LRRTM4: variants seen among roughly 807,000 people sequenced by gnomAD.
The protein encoded by LRRTM4 is leucine-rich repeat transmembrane neuronal protein 4.
In LRRTM4, 25 loss-of-function variants were observed where a neutral mutation model predicts 47.6. That is an observed-to-expected ratio of 0.53 (90% CI 0.38 to 0.73). The LOEUF is 0.73. Ranked by LOEUF, LRRTM4 falls within the 30% of genes least tolerant of loss-of-function variation. The probability of loss-of-function intolerance (pLI) is 0.00; values close to 1 mark genes in which losing one functional copy is unlikely to be tolerated. For missense variants in LRRTM4, 638 were observed against 713.4 expected, an observed-to-expected ratio of 0.89 and a Z score of 1.20; for synonymous variants, 311 against 269.5, an observed-to-expected ratio of 1.15 and a Z score of -1.51.
intron 3 of LRRTM4, among the ~76,000 whole-genome samples, chr2:77,395,755 A>T (rs1377389689): frequency 6.6e-6 from 1 of 151,854 alleles, no homozygotes; most frequent in East Asian, 1.9e-4. Flanking sequence ...CATTTTTGAA[A>T]TATCTATGCT....
intron 3 of LRRTM4, among the ~76,000 whole-genome samples, chr2:77,058,419 T>C (rs920405987): frequency 6.6e-6 from 1 of 152,164 alleles, no homozygotes; most frequent in African/African-American, 2.4e-5. Flanking sequence ...AGCTGTTACA[T>C]AGTCAATATA....
At chr2:77,220,514 C>G (rs998197930) in intron 3 of LRRTM4, among the ~76,000 whole-genome samples, 4 of 152,068 alleles carry the variant, frequency 2.6e-5, no homozygotes, top group African/African-American at 9.7e-5. Context: ...CCTTAAAGGA[C>G]CTGTTGGAGC....
At chr2:77,502,651 A>C (rs1465439779) in intron 3 of LRRTM4, among the ~76,000 whole-genome samples, 1 of 151,658 alleles carries the variant, frequency 6.6e-6, no homozygotes, top group African/African-American at 2.4e-5. Context: ...AGTCCAACAA[A>C]AAAAGTCATG....
chr2:77,410,803 T>C (rs1239609608), intron 3 of LRRTM4, among the ~76,000 whole-genome samples: 1 of 152,204 alleles, frequency 6.6e-6, no homozygotes, highest in African/African-American at 2.4e-5. Flanking sequence ...CATCAGTCTC[T>C]GGAGGATAGC....
Position 77,519,763 on chromosome 2 carries a change from T to C in LRRTM4, c.106A>G (p.Lys36Glu), listed in dbSNP as rs1302207417. Residue 36 changes from lysine (K) to glutamate (E), a missense_variant, in exon 3 of 4, where the codon AAG (lysine) becomes GAG (glutamate). Lys to Glu is a moderately conservative substitution (Grantham distance 56). Coordinates refer to ENST00000409884, the MANE Select transcript of LRRTM4 (RefSeq NM_001134745.3). The surrounding 1 kb of genome is among the most constrained non-coding windows in gnomAD (Gnocchi z 4.6). Reference protein sequence around the residue: ...MLTGAQRACPKNCRCDGKIVY... With the variant: ...MLTGAQRACPENCRCDGKIVY... ...ATTTTGCCATCACATCTGCAGTTCTTTGGGCAAGCTCTCTGAGCACCCGTG... is the reference window on the plus strand; with the variant it reads ...ATTTTGCCATCACATCTGCAGTTCTCTGGGCAAGCTCTCTGAGCACCCGTG... 1.9e-6 allele frequency: 3 copies of C among 1,613,270 alleles called. No homozygotes were observed. The highest frequency in any genetic ancestry group is 1.7e-4 in the Middle Eastern group (1 of 6,058).
At chr2:76,817,889 T>C (rs1003931642) in intron 3 of LRRTM4, among the ~76,000 whole-genome samples, 3 of 151,958 alleles carry the variant, frequency 2.0e-5, no homozygotes, top group Non-Finnish European at 2.9e-5. Context: ...GGTTTTCTTC[T>C]CCAGGGAAGA....
At chr2:77,044,672 T>A (rs1214548489) in intron 3 of LRRTM4, among the ~76,000 whole-genome samples, 1 of 151,540 alleles carries the variant, frequency 6.6e-6, no homozygotes, top group Non-Finnish European at 1.5e-5. Context: ...CACATACACA[T>A]ATACACACAT....
At chr2:76,973,335 A>G (rs1676286979) in intron 3 of LRRTM4, among the ~76,000 whole-genome samples, 2 of 152,094 alleles carry the variant, frequency 1.3e-5, no homozygotes, top group African/African-American at 4.8e-5. Context: ...CCAGTTCCCA[A>G]TTAGATTGAA....
Position 77,154,190 on chromosome 2 carries a change from T to C in LRRTM4, c.1551+364128A>G, listed in dbSNP as rs561892034. On this transcript the variant is annotated intron_variant, in intron 3 of 3. Transcript: ENST00000409884. ...GACATTGGTGAATCCATTTAGCTTC[T>C]TCTCTTTCTAGTTTCCATGTCTAAC... Among the ~76,000 whole-genome samples the C allele has an allele frequency of 8.5e-5, 13 of 152,312 alleles. No homozygotes were observed. The South Asian group carries it at 2.3e-3, about 27-fold the overall frequency.
chr2:77,313,700 C>T (rs1283068039), intron 3 of LRRTM4, among the ~76,000 whole-genome samples: 1 of 152,018 alleles, frequency 6.6e-6, no homozygotes, highest in Non-Finnish European at 1.5e-5. Flanking sequence ...TAATCCTGTC[C>T]CCAATTTCTC....
intron 3 of LRRTM4, among the ~76,000 whole-genome samples, chr2:77,306,790 A>G (rs1482862989): frequency 6.6e-6 from 1 of 152,112 alleles, no homozygotes; most frequent in African/African-American, 2.4e-5. Context: ...AAATGCCAGT[A>G]AATTATAATT....
chr2:76,860,468 G>A lies in LRRTM4; in HGVS notation c.1552-111552C>T, dbSNP rs551415759. On this transcript the variant is annotated intron_variant, in intron 3 of 3. Coordinates refer to ENST00000409884, the MANE Select transcript of LRRTM4 (RefSeq NM_001134745.3). ...CAGATTATCTTAGAAAATATCCTTC[G>A]TGGCTAGCTGTGCACACTATGATAT... 5.7e-4 allele frequency among the ~76,000 whole-genome samples: 87 copies of A among 152,156 alleles called. No individual in the cohort carries two copies. In the South Asian group the frequency reaches 0.015, roughly 26 times the overall value.
intron 3 of LRRTM4, among the ~76,000 whole-genome samples, chr2:76,844,873 TCTC>T (rs1671793479): frequency 6.6e-6 from 1 of 152,108 alleles, no homozygotes; most frequent in South Asian, 2.1e-4. Context: ...CAGAATATAT[TCTC>T]TTCATTTTGA....
chr2:76,903,189 G>A (rs540525213), intron 3 of LRRTM4, among the ~76,000 whole-genome samples: 4 of 152,200 alleles, frequency 2.6e-5, no homozygotes, highest in East Asian at 3.9e-4. Flanking sequence ...GGCTAACACA[G>A]TGAAACCCCG....
intron 3 of LRRTM4, among the ~76,000 whole-genome samples, chr2:77,132,099 A>G (rs546465674): frequency 8.3e-4 from 127 of 152,132 alleles, no homozygotes; most frequent in Non-Finnish European, 1.4e-3. Context: ...AAATTATTCT[A>G]TCTAACTGTA....
intron 3 of LRRTM4, among the ~76,000 whole-genome samples, chr2:77,201,663 TA>T (rs1367702352): frequency 6.6e-6 from 1 of 152,064 alleles, no homozygotes; most frequent in Non-Finnish European, 1.5e-5. Flanking sequence ...AAATAAATTT[TA>T]AAAAGTCATA....
chr2:76,829,152 C>G (rs566313261), intron 3 of LRRTM4, among the ~76,000 whole-genome samples: 1 of 152,050 alleles, frequency 6.6e-6, no homozygotes, highest in African/African-American at 2.4e-5. Context: ...TCTGCTTCCA[C>G]TTGAGGCTGG....
chr2:77,116,321 C>T (rs1279590005), intron 3 of LRRTM4, among the ~76,000 whole-genome samples: 1 of 149,620 alleles, frequency 6.7e-6, no homozygotes, highest in African/African-American at 2.5e-5. Context: ...CAACCTATAA[C>T]ACTAAATTTA....
chr2:76,840,955 G>T (rs796906172), intron 3 of LRRTM4, among the ~76,000 whole-genome samples: 91 of 151,732 alleles, frequency 6.0e-4, no homozygotes, highest in African/African-American at 1.9e-3. Context: ...AAATCATGCT[G>T]CTATAAAGAC....
Sources: allele counts gnomAD v4.1 joint callset (sites outside exome capture counted in the v4.1 genomes callset), GRCh38; gene constraint gnomAD v4.1.1; non-coding constraint Gnocchi (gnomAD v3.1); transcripts MANE v1.5; gene names NCBI Gene and HGNC (gene_info 2026-07-23, HGNC 2026-07-21).